SESTD1: variants seen among roughly 807,000 people sequenced by gnomAD.
SESTD1 encodes SEC14 and spectrin domain containing 1, also known as SEC14 domain and spectrin repeat-containing protein 1.
In SESTD1, 43 loss-of-function variants were observed where a neutral mutation model predicts 101.7. That is an observed-to-expected ratio of 0.42 (90% CI 0.33 to 0.55). The LOEUF (loss-of-function observed/expected upper bound fraction) is 0.55. SESTD1 is among the 20% of genes least tolerant of loss of function. The pLI, the probability that SESTD1 is intolerant of heterozygous loss-of-function variation, is 0.07. For synonymous variants in SESTD1, 283 were observed against 286.8 expected (o/e 0.99, Z 0.13); for missense variants, 647 against 815.1 (o/e 0.79, Z 2.51).
At chr2:179,124,065 G>A (rs1159031804) in intron 11 of SESTD1, among the ~76,000 whole-genome samples, 1 of 152,118 alleles carries the variant, frequency 6.6e-6, no homozygotes, top group Non-Finnish European at 1.5e-5. Flanking sequence ...AAAAAGTATT[G>A]AGACTTCCAT....
chr2:179,196,744 G>A (rs2046402965), intron 1 of SESTD1, among the ~76,000 whole-genome samples: 1 of 152,060 alleles, frequency 6.6e-6, no homozygotes, highest in East Asian at 1.9e-4. Flanking sequence ...TGCAGCTGAG[G>A]GTCCTGTCTG....
intron 5 of SESTD1, among the ~76,000 whole-genome samples, chr2:179,163,120 A>G (rs1241208703): frequency 6.6e-6 from 1 of 152,192 alleles, no homozygotes; most frequent in Non-Finnish European, 1.5e-5. Context: ...TTAGTTTTGT[A>G]TCTAATTTGG....
chr2:179,167,801 T>C (rs1575457101), intron 5 of SESTD1, among the ~76,000 whole-genome samples: 2 of 152,150 alleles, frequency 1.3e-5, no homozygotes, highest in East Asian at 3.9e-4. Context: ...CTCACTCTGT[T>C]GCCCAGGCTG....
At chr2:179,256,864 C>A (rs1400738199) in intron 1 of SESTD1, among the ~76,000 whole-genome samples, 2 of 149,418 alleles carry the variant, frequency 1.3e-5, no homozygotes, top group East Asian at 1.9e-4. Context: ...TACAGAGGAG[C>A]AAAGCAAGTA....
rs374482722 is a variant in SESTD1 at position 179,112,824 on chromosome 2, C to G, written c.1861G>C (p.Glu621Gln). The G allele has an allele frequency of 5.6e-6, 9 of 1,611,816 alleles. No individual in the cohort carries two copies. The highest frequency in any genetic ancestry group is 2.5e-6 in the Non-Finnish European group (3 of 1,179,842). ...TCCTCATCATTAATAGCTTCAGGCT[C>G]TTCTGGACAGTCCTGCAAAATCTGC... ...AEKILQDCPE[E>Q]PEAINDEEQF... The change falls in exon 17 of 18, where the codon GAG becomes CAG. Residue 621 changes from glutamate (E) to glutamine (Q), a missense_variant. Coordinates refer to ENST00000428443, the MANE Select transcript of SESTD1 (RefSeq NM_178123.5).
At position 179,117,410 on chromosome 2, in the gene SESTD1, C is replaced by T. The variant is rs2044657052; in HGVS notation, c.1524+122G>A. 5 of 780,676 alleles carry T rather than the reference C, an allele frequency of 6.4e-6. No individual in the cohort carries two copies. In the South Asian group the frequency reaches 8.0e-5, roughly 12 times the overall value. The allele number at this position is 780,676 out of a possible 1,614,324, so 48.4% of individuals were successfully genotyped here. On this transcript the variant is annotated intron_variant, in intron 14 of 17. Coordinates refer to ENST00000428443, the MANE Select transcript of SESTD1 (RefSeq NM_178123.5). ...TGTATTCTTCAACAAGATAGATAAA[C>T]TAGAACCTGACTTCAAGAATTTACT...
intron 9 of SESTD1, among the ~76,000 whole-genome samples, chr2:179,135,103 C>T (rs900391881): frequency 6.6e-6 from 1 of 152,076 alleles, no homozygotes; most frequent in African/African-American, 2.4e-5. Flanking sequence ...CGCCACCACA[C>T]CTGGCTAATT....
intron 7 of SESTD1, 75 bp downstream of exon 7, chr2:179,149,222 T>C (rs1264512009): frequency 1.9e-6 from 2 of 1,032,538 alleles, no homozygotes; most frequent in Non-Finnish European, 1.4e-6. Context: ...TTAGCTTGCA[T>C]TAACAATAGA....
chr2:179,224,268 A>T (rs2046852226), intron 1 of SESTD1, among the ~76,000 whole-genome samples: 1 of 152,186 alleles, frequency 6.6e-6, no homozygotes, highest in African/African-American at 2.4e-5. Context: ...TTCATTTATA[A>T]CTCACAACTA....
At chr2:179,250,201 T>C (rs1031449638) in intron 1 of SESTD1, among the ~76,000 whole-genome samples, 5 of 148,474 alleles carry the variant, frequency 3.4e-5, no homozygotes, top group Non-Finnish European at 7.4e-5. Flanking sequence ...AAATAGAAAA[T>C]GGGCAGAAGG....
At chr2:179,235,057 G>C (rs2047047447) in intron 1 of SESTD1, among the ~76,000 whole-genome samples, 1 of 151,950 alleles carries the variant, frequency 6.6e-6, no homozygotes, top group Non-Finnish European at 1.5e-5. Context: ...ATATAATCCT[G>C]AACTGGAACC....
chr2:179,241,697 C>T (rs1453016011), intron 1 of SESTD1, among the ~76,000 whole-genome samples: 1 of 151,898 alleles, frequency 6.6e-6, no homozygotes, highest in Non-Finnish European at 1.5e-5. Flanking sequence ...CCAAGGCAGG[C>T]AGATCACGAG....
chr2:179,222,744 C>T (rs1442311929), intron 1 of SESTD1, among the ~76,000 whole-genome samples: 1 of 152,030 alleles, frequency 6.6e-6, no homozygotes, highest in Non-Finnish European at 1.5e-5. Flanking sequence ...TTAGTCTAAC[C>T]TTTCCATGTT....
At chr2:179,160,358 C>T (rs1014894675) in intron 5 of SESTD1, among the ~76,000 whole-genome samples, 2 of 151,706 alleles carry the variant, frequency 1.3e-5, no homozygotes, top group Admixed American at 1.3e-4. Context: ...TTTTCCAAAG[C>T]TACAAAAAAA....
chr2:179,154,464 A>G (rs2045589029), intron 5 of SESTD1, among the ~76,000 whole-genome samples: 1 of 152,186 alleles, frequency 6.6e-6, no homozygotes, highest in Non-Finnish European at 1.5e-5. Flanking sequence ...CTAGATTATC[A>G]TTTTATAATT....
intron 1 of SESTD1, among the ~76,000 whole-genome samples, chr2:179,193,348 T>C (rs2046345766): frequency 6.6e-6 from 1 of 152,232 alleles, no homozygotes. Context: ...GATTTGTTTA[T>C]TCAAGTTTGT....
rs1042287615 is a variant in SESTD1, at chr2:179,103,508, T to C, written c.*6391A>G. On this transcript the variant is annotated 3_prime_UTR_variant, in exon 18 of 18. Transcript: ENST00000428443. ...AGAATGGTCATAGCAGCTTTATTTATAATGGCCAATCCTGGAAACAGCCCA... is the reference window on the plus strand; with the variant it reads ...AGAATGGTCATAGCAGCTTTATTTACAATGGCCAATCCTGGAAACAGCCCA... 6.6e-5 allele frequency: 10 copies of C among 152,100 alleles called. No homozygotes were observed. The highest frequency in any genetic ancestry group is 2.4e-4 in the African/African-American group (10 of 41,420). 9.4% of individuals were successfully genotyped at this position (152,100 alleles called of 1,614,324 possible).
chr2:179,260,592 C>T (rs1444876390), intron 1 of SESTD1, among the ~76,000 whole-genome samples: 2 of 152,086 alleles, frequency 1.3e-5, no homozygotes, highest in Non-Finnish European at 2.9e-5. Context: ...TTCTAGTAAA[C>T]GTTTAAAGGG....
At chr2:179,203,677 T>TG (rs1162607373) in intron 1 of SESTD1, among the ~76,000 whole-genome samples, 1 of 134,942 alleles carries the variant, frequency 7.4e-6, no homozygotes, top group Admixed American at 7.2e-5. Flanking sequence ...GAAGGGGTTG[T>TG]GGGTGATGAG....
Sources: allele counts gnomAD v4.1 joint callset (sites outside exome capture counted in the v4.1 genomes callset), GRCh38; gene constraint gnomAD v4.1.1; transcripts MANE v1.5; gene names NCBI Gene and HGNC (gene_info 2026-07-23, HGNC 2026-07-21).